The following B4GALNT4 variants were observed in gnomAD, a reference collection of about 807,000 sequenced individuals.
B4GALNT4 encodes the protein beta-1,4-N-acetyl-galactosaminyltransferase 4.
A neutral mutation model predicts 110.0 loss-of-function variants in B4GALNT4; 77 were observed. That is an observed-to-expected ratio of 0.70 (90% CI 0.58 to 0.85). B4GALNT4 has a LOEUF of 0.85. B4GALNT4 is among the 40% of genes least tolerant of loss of function. The pLI is 0.00. For missense variants in B4GALNT4, 1,575 were observed against 1,506.0 expected, an observed-to-expected ratio of 1.05 and a Z score of -0.76; for synonymous variants, 785 against 655.5, an observed-to-expected ratio of 1.20 and a Z score of -3.02.
chr11:375,358 G>T, intron 8 of B4GALNT4, 103 bp from the exon 9 acceptor site: 1 of 1,182,326 alleles, frequency 8.5e-7, no homozygotes, highest in South Asian at 1.2e-5. Flanking sequence ...ATCCTTTAAG[G>T]GATTGGTCCT....
Position 380,386 on chromosome 11 carries a change from T to A in B4GALNT4, c.2810T>A (p.Leu937Gln). The A allele has an allele frequency of 6.2e-7, 1 of 1,613,100 alleles. No individual in the cohort carries two copies. The highest frequency in any genetic ancestry group is 1.1e-5 in the South Asian group (1 of 91,068). ...CGCAAGCACTGCGTGGAGGGCAGGCTGGCCTTCGCGCCCGTGGTCATGCGC... is the reference window on the plus strand; with the variant it reads ...CGCAAGCACTGCGTGGAGGGCAGGCAGGCCTTCGCGCCCGTGGTCATGCGC... Reference protein sequence around the residue: ...GIRKHCVEGRLAFAPVVMRLS... With the variant: ...GIRKHCVEGRQAFAPVVMRLS... The change falls in exon 18 of 20, where the codon CTG (leucine) becomes CAG (glutamine). Residue 937 changes from leucine to glutamine, a missense_variant. Coordinates refer to ENST00000329962, the MANE Select transcript of B4GALNT4 (RefSeq NM_178537.5).
chr11:369,951 C>A lies in B4GALNT4; in HGVS notation c.148C>A (p.Arg50=). 4.4e-6 allele frequency: 4 copies of A among 905,956 alleles called. No homozygotes were observed. Among genetic ancestry groups the A allele is most frequent in the Non-Finnish European group, 5.1e-6 (4 of 779,154 alleles). The allele number at this position is 905,956 out of a possible 1,614,324, so 56.1% of individuals were successfully genotyped here. A position where few individuals can be genotyped will look rare whatever the true frequency, so the allele number is the denominator to read the frequency against. The change falls in exon 1 of 20, where the codon CGA becomes AGA. Residue 50 remains arginine, a synonymous_variant. Coordinates refer to ENST00000329962, the MANE Select transcript of B4GALNT4 (RefSeq NM_178537.5). The part of the protein sequence containing the change: ...RALRQRLGYG[R]DGEKLTSETD... ...GCTGCGCCAGCGCCTGGGCTACGGG[C>A]GAGGTACGGCGCGGGGGGCGCGGGG...
Position 377,286 on chromosome 11 carries a change from G to A in B4GALNT4, c.2163G>A (p.Val721=), listed in dbSNP as rs1271855645. 6.3e-7 allele frequency: 1 copy of A among 1,589,816 alleles called. No individual in the cohort carries two copies. The highest frequency in any genetic ancestry group is 1.1e-5 in the South Asian group (1 of 87,826). The change falls in exon 14 of 20, where the codon GTG becomes GTA. Residue 721 remains valine (V), a synonymous_variant. Transcript: ENST00000329962. ...LQLPEAEAVD[V]TAQYMERLNA... ...TGCCGGAGGCGGAGGCCGTGGACGT[G>A]ACCGCTCAGTACATGGAGCGGCTGA...
At position 380,822 on chromosome 11, in the gene B4GALNT4, C is replaced by T. The variant is rs1846861375; in HGVS notation, c.2870-3C>T. ...GGTAGCACCCCTCACCCTCCCGCCC[C>T]AGGTTACTGGGAGGTGAACGGCTTT... On this transcript the variant is annotated splice_polypyrimidine_tract_variant and splice_region_variant and intron_variant, in intron 18 of 19. Coordinates refer to ENST00000329962, the MANE Select transcript of B4GALNT4 (RefSeq NM_178537.5). 1 of 1,613,748 alleles carries T rather than the reference C, an allele frequency of 6.2e-7. No individual in the cohort carries two copies. The highest frequency in any genetic ancestry group is 1.7e-5 in the Admixed American group (1 of 59,982).
At position 380,010 on chromosome 11, in the gene B4GALNT4, G is replaced by T. The variant is rs897728667; in HGVS notation, c.2633G>T (p.Arg878Leu). ...GTGGAGCGGGCCCTGCGCGCCGCGC[G>T]CCTGCCCCGGTAACGACCCCTACTT... Reference protein sequence around the residue: ...MDVERALRAARLPRYQYLRRT... With the variant: ...MDVERALRAALLPRYQYLRRT... The change falls in exon 16 of 20, where the codon CGC becomes CTC. Residue 878 changes from arginine to leucine, a missense_variant. Transcript: ENST00000329962. 4 of 1,612,282 alleles carry T rather than the reference G, an allele frequency of 2.5e-6. No individual in the cohort carries two copies. Among genetic ancestry groups the T allele is most frequent in the Middle Eastern group, 1.7e-4 (1 of 6,056 alleles).
At chr11:375,994 TC>T in intron 11 of B4GALNT4, 38 bp downstream of exon 11, 5 of 1,605,666 alleles carry the variant, frequency 3.1e-6, no homozygotes, top group Non-Finnish European at 4.3e-6. Flanking sequence ...CGTCCGGGAC[TC>T]CGCGGAGCCT....
chr11:377,024 T>G lies in B4GALNT4; in HGVS notation c.1901T>G (p.Val634Gly). The G allele has an allele frequency of 6.9e-7, 1 of 1,440,104 alleles. No homozygotes were observed. Among genetic ancestry groups the G allele is most frequent in the Non-Finnish European group, 9.1e-7 (1 of 1,099,500 alleles). The allele number at this position is 1,440,104 out of a possible 1,614,324, so 89.2% of individuals were successfully genotyped here. A position where few individuals can be genotyped will look rare whatever the true frequency, so the allele number is the denominator to read the frequency against. The change falls in exon 14 of 20, where the codon GTG becomes GGG. Residue 634 changes from valine (V) to glycine (G), a missense_variant. Coordinates refer to ENST00000329962, the MANE Select transcript of B4GALNT4 (RefSeq NM_178537.5). Reference protein sequence around the residue: ...PVTSFLSLSQVSGPQLPGEGE... With the variant: ...PVTSFLSLSQGSGPQLPGEGE... ...ACCTCCTTCCTGAGCTTGTCCCAGG[T>G]GTCCGGGCCGCAGCTGCCCGGGGAG...
At chr11:379,728 G>A (rs1325547905) in intron 15 of B4GALNT4, 27 bp downstream of exon 15, 7 of 1,500,250 alleles carry the variant, frequency 4.7e-6, no homozygotes, top group African/African-American at 1.4e-5. Flanking sequence ...CGGGGTGTCC[G>A]GGAGACCTCG....
intron 14 of B4GALNT4, 103 bp from the exon 15 acceptor site, chr11:379,315 G>A (rs952867171): frequency 8.0e-5 from 105 of 1,314,440 alleles, no homozygotes; most frequent in Non-Finnish European, 9.1e-5. Flanking sequence ...CGCAGCCTCC[G>A]CCAACTCCAA....
chr11:370,879 G>A (rs1451810625), intron 1 of B4GALNT4, among the ~76,000 whole-genome samples: 3 of 152,012 alleles, frequency 2.0e-5, no homozygotes, highest in African/African-American at 4.8e-5. Context: ...TTCCTGTACC[G>A]GGACGCCTGG....
At chr11:375,409 C>A in intron 8 of B4GALNT4, 52 bp from the exon 9 acceptor site, 1 of 1,596,804 alleles carries the variant, frequency 6.3e-7, no homozygotes, top group Non-Finnish European at 8.6e-7. Flanking sequence ...CCCTTTCTTC[C>A]CTGGACCCAG....
chr11:369,844 AGCTGCTGCTGCT>A lies in B4GALNT4; in HGVS notation c.55_66del (p.Leu19_Leu22del), dbSNP rs760432344. 3 of 990,350 alleles carry A rather than the reference AGCTGCTGCTGCT, an allele frequency of 3.0e-6. No homozygotes were observed. The highest frequency in any genetic ancestry group is 6.3e-5 in the Admixed American group (1 of 15,946). The allele number at this position is 990,350 out of a possible 1,614,324, so 61.3% of individuals were successfully genotyped here. On this transcript the variant is annotated inframe_deletion, in exon 1 of 20. Transcript: ENST00000329962. ...GTGAAGAAGATCCGTAAGCAGATGA[AGCTGCTGCTGCT>A]GCTGCTGCTGCTGAGCTGCGCCGCG...
At position 379,520 on chromosome 11, in the gene B4GALNT4, C is replaced by T. The variant is rs746130173; in HGVS notation, c.2307C>T (p.Gly769=). ...TGGAGCTGCAGGAGCGCGGGGGCGGCCGCCTGCGACTGTCCGAGTACGTCT... is the reference window on the plus strand; with the variant it reads ...TGGAGCTGCAGGAGCGCGGGGGCGGTCGCCTGCGACTGTCCGAGTACGTCT... The part of the protein sequence containing the change: ...LELELQERGG[G]RLRLSEYVFL... The change falls in exon 15 of 20, where the codon GGC becomes GGT. Residue 769 remains glycine (G), a synonymous_variant. Transcript: ENST00000329962. 2 of 1,578,356 alleles carry T rather than the reference C, an allele frequency of 1.3e-6. No individual in the cohort carries two copies. Among genetic ancestry groups the T allele is most frequent in the South Asian group, 1.1e-5 (1 of 88,160 alleles).
chr11:375,675 TC>T lies in B4GALNT4; in HGVS notation c.892del (p.Gln298SerfsTer109). The T allele has an allele frequency of 6.3e-7, 1 of 1,591,564 alleles. No homozygotes were observed. The part of the protein sequence containing the change: ...SALKMDHVAH[V>X]PQSPASHVGG... ...TTGAAGATGGACCACGTGGCGCACG[TC>T]CCCCAGTCTCCAGCCAGCCACGTGG... On this transcript the variant is annotated frameshift_variant, in exon 10 of 20. Coordinates refer to ENST00000329962, the MANE Select transcript of B4GALNT4 (RefSeq NM_178537.5). LOFTEE classifies it high-confidence loss of function.
chr11:376,844 C>A lies in B4GALNT4; in HGVS notation c.1721C>A (p.Pro574His), dbSNP rs1846767054. The A allele has an allele frequency of 2.3e-6, 3 of 1,327,952 alleles. No homozygotes were observed. The highest frequency in any genetic ancestry group is 2.9e-6 in the Non-Finnish European group (3 of 1,039,914). The allele number at this position is 1,327,952 out of a possible 1,614,324, so 82.3% of individuals were successfully genotyped here. A position where few individuals can be genotyped will look rare whatever the true frequency, so the allele number is the denominator to read the frequency against. Reference sequence around the variant, plus strand: ...CGGGCGCCCCCACGCCCACCCCGGCCCCACGGCCGCAGGACCGGCGGCCCC... The same window carrying A: ...CGGGCGCCCCCACGCCCACCCCGGCACCACGGCCGCAGGACCGGCGGCCCC... ...QLRAPPRPPRPHGRRTGGPQA... is the reference protein window; with the variant it reads ...QLRAPPRPPRHHGRRTGGPQA... The change falls in exon 14 of 20, where the codon CCC (proline) becomes CAC (histidine). Residue 574 changes from proline to histidine, a missense_variant. Physicochemically the swap from Pro to His is moderately conservative, Grantham distance 77 (BLOSUM62 -2). Transcript: ENST00000329962.
chr11:377,342 G>T lies in B4GALNT4; in HGVS notation c.2204+15G>T. The T allele has an allele frequency of 2.7e-6, 4 of 1,490,724 alleles. No homozygotes were observed. In the South Asian group the frequency reaches 4.0e-5, roughly 15 times the overall value. The allele number at this position is 1,490,724 out of a possible 1,614,324, so 92.3% of individuals were successfully genotyped here. ...CGCCACGGCGGGTATGGGGGCGGCC[G>T]AACGCGCGCCAGGGCGGTTTTGGAG... On this transcript the variant is annotated intron_variant, in intron 14 of 19. Coordinates refer to ENST00000329962, the MANE Select transcript of B4GALNT4 (RefSeq NM_178537.5).
At position 372,876 on chromosome 11, in the gene B4GALNT4, G is replaced by A. The variant is rs755857098; in HGVS notation, c.373G>A (p.Val125Met). 8 of 1,611,908 alleles carry A rather than the reference G, an allele frequency of 5.0e-6. No homozygotes were observed. Among genetic ancestry groups the A allele is most frequent in the Admixed American group, 1.7e-5 (1 of 59,970 alleles). ...GTACAAGGGGCAGGTGAACCTGCACGTGTTTGAGGACTGGTGTGGGGGCGC... is the reference window on the plus strand; with the variant it reads ...GTACAAGGGGCAGGTGAACCTGCACATGTTTGAGGACTGGTGTGGGGGCGC... ...EEYKGQVNLHVFEDWCGGAVG... is the reference protein window; with the variant it reads ...EEYKGQVNLHMFEDWCGGAVG... Residue 125 changes from valine (V) to methionine (M), a missense_variant, in exon 4 of 20, where the codon GTG becomes ATG. Val to Met is a conservative substitution (Grantham distance 21, BLOSUM62 1). Coordinates refer to ENST00000329962, the MANE Select transcript of B4GALNT4 (RefSeq NM_178537.5).
rs1451771665 is a variant in B4GALNT4 at position 381,712 on chromosome 11, A to G, written c.3040A>G (p.Asn1014Asp). The G allele has an allele frequency of 6.3e-7, 1 of 1,591,680 alleles. No homozygotes were observed. The highest frequency in any genetic ancestry group is 1.4e-5 in the African/African-American group (1 of 72,878). Residue 1014 changes from asparagine to aspartate, a missense_variant, in exon 20 of 20, where the codon AAT becomes GAT. Coordinates refer to ENST00000329962, the MANE Select transcript of B4GALNT4 (RefSeq NM_178537.5). Reference sequence around the variant, plus strand: ...GGAGGTGGAGCGGCTCCGACTGCGGAATTTCTATCACCACTACCACTCCAA... The same window carrying G: ...GGAGGTGGAGCGGCTCCGACTGCGGGATTTCTATCACCACTACCACTCCAA... ...GLEVERLRLRNFYHHYHSKRG... is the reference protein window; with the variant it reads ...GLEVERLRLRDFYHHYHSKRG...
rs1297436822 is a variant in B4GALNT4, at chr11:369,815, C to T, written c.12C>T (p.Leu4=). The T allele has an allele frequency of 3.1e-6, 3 of 982,112 alleles. No homozygotes were observed. In the African/African-American group the frequency reaches 5.3e-5, roughly 17 times the overall value. The allele number at this position is 982,112 out of a possible 1,614,324, so 60.8% of individuals were successfully genotyped here. Residue 4 remains leucine (L), a synonymous_variant, in exon 1 of 20, where the codon CTC becomes CTT. Transcript: ENST00000329962. MPR[L]PVKKIRKQMK... is the part of the protein sequence containing the mutation. ...GCGCGGCGGCCGCGATGCCGCGGCT[C>T]CCGGTGAAGAAGATCCGTAAGCAGA...
Sources: allele counts gnomAD v4.1 joint callset (sites outside exome capture counted in the v4.1 genomes callset), GRCh38; gene constraint gnomAD v4.1.1; transcripts MANE v1.5; gene names NCBI Gene and HGNC (gene_info 2026-07-23, HGNC 2026-07-21).